The following CCDC77 variants were observed in gnomAD, a reference collection of about 807,000 sequenced individuals.
The protein encoded by CCDC77 is coiled-coil domain containing 77.
Under a neutral mutation model 66.8 loss-of-function variants are expected in CCDC77, and 56 were observed. The ratio of observed to expected loss-of-function variants is 0.84; its 90% CI spans 0.68 to 1.05. The LOEUF (loss-of-function observed/expected upper bound fraction) is 1.05, where lower values mean the gene tolerates loss of function less well. Ranked by LOEUF, CCDC77 falls within the 50% of genes least tolerant of loss-of-function variation. CCDC77 has a pLI of 0.00. For synonymous variants in CCDC77, 196 were observed against 195.2 expected (o/e 1.00, Z -0.03); for missense variants, 570 against 576.8 (o/e 0.99, Z 0.12).
rs953794793 is a variant in CCDC77, at chr12:404,182, G to A, written c.-70-1329G>A. ...AAATACAAAAAAAATTAGCCACAGT[G>A]GCAGGTGCCTGTAATCCCAGCCACT... On this transcript the variant is annotated intron_variant, in intron 1 of 12. Coordinates refer to ENST00000239830, the MANE Select transcript of CCDC77 (RefSeq NM_032358.4). 2.0e-5 allele frequency among the ~76,000 whole-genome samples: 3 copies of A among 152,326 alleles called. No homozygotes were observed. In the South Asian group the frequency reaches 6.2e-4, roughly 32 times the overall value.
chr12:392,197 A>G (rs2137517319), intron 1 of CCDC77, among the ~76,000 whole-genome samples: 1 of 152,286 alleles, frequency 6.6e-6, no homozygotes, highest in East Asian at 1.9e-4. Flanking sequence ...AGTATTATTT[A>G]TCTGAAATTT....
At chr12:418,681 A>ACATC in intron 5 of CCDC77, 45 bp downstream of exon 5, 21 of 1,544,240 alleles carry the variant, frequency 1.4e-5, no homozygotes, top group Non-Finnish European at 1.9e-5. Flanking sequence ...ACTTTAAATT[A>ACATC]CATTCATTCA....
intron 1 of CCDC77, among the ~76,000 whole-genome samples, chr12:405,059 ATTTAAC>A (rs1314110007): frequency 6.6e-6 from 1 of 152,198 alleles, no homozygotes; most frequent in African/African-American, 2.4e-5. Flanking sequence ...AAACAGTGAA[ATTTAAC>A]TTTAAGTTGT....
At chr12:419,577 CTG>C (rs1327930812) in intron 5 of CCDC77, among the ~76,000 whole-genome samples, 1 of 90,786 alleles carries the variant, frequency 1.1e-5, no homozygotes, top group Non-Finnish European at 2.4e-5. Flanking sequence ...CAGTGCTCTT[CTG>C]TGTGTGTGTG....
upstream of CCDC77, among the ~76,000 whole-genome samples, chr12:399,090 G>A (rs1944864595): frequency 6.6e-6 from 1 of 152,086 alleles, no homozygotes; most frequent in African/African-American, 2.4e-5. Context: ...GAATGGTGGT[G>A]AGTCCTTTCC....
At chr12:392,265 C>T (rs979305129) in intron 1 of CCDC77, among the ~76,000 whole-genome samples, 2 of 152,080 alleles carry the variant, frequency 1.3e-5, no homozygotes, top group African/African-American at 4.8e-5. Flanking sequence ...AATCATTTGG[C>T]TAGACCGTGG....
intron 5 of CCDC77, among the ~76,000 whole-genome samples, chr12:423,494 G>GTTTGTTTTTT (rs1945469706): frequency 5.6e-5 from 2 of 35,414 alleles, no homozygotes; most frequent in African/African-American, 2.4e-4. Context: ...TTTTTGTTTT[G>GTTTGTTTTTT]TTTTTTTTTT....
Position 440,950 on chromosome 12 carries a change from A to C in CCDC77, c.1274A>C (p.Lys425Thr). 6.2e-7 allele frequency: 1 copy of C among 1,613,286 alleles called. No homozygotes were observed. Among genetic ancestry groups the C allele is most frequent in the South Asian group, 1.1e-5 (1 of 91,086 alleles). Residue 425 changes from lysine (K) to threonine (T), a missense_variant, in exon 12 of 13, where the codon AAA (lysine) becomes ACA (threonine). Physicochemically the swap from Lys to Thr is moderately conservative, Grantham distance 78. Coordinates refer to ENST00000239830, the MANE Select transcript of CCDC77 (RefSeq NM_032358.4). The stretch of plus-strand genomic sequence containing the variant: ...GTAGAAGGCTTTAAGACAGATATTA[A>C]AGTTCTCCGACAGAAACTGAAAGAC... ...LEVEGFKTDI[K>T]VLRQKLKDLE... is the part of the protein sequence containing the mutation.
chr12:406,608 A>G (rs371437105), intron 2 of CCDC77, among the ~76,000 whole-genome samples: 20 of 152,302 alleles, frequency 1.3e-4, no homozygotes, highest in African/African-American at 4.1e-4. Flanking sequence ...TTTGACACAT[A>G]TATATTAATG....
chr12:411,826 A>G lies in CCDC77; in HGVS notation c.118A>G (p.Thr40Ala), dbSNP rs141015442. 3.3e-5 allele frequency: 54 copies of G among 1,613,794 alleles called. No individual in the cohort carries two copies. Among genetic ancestry groups the G allele is most frequent in the Non-Finnish European group, 4.4e-5 (52 of 1,179,978 alleles). ...GGGAATGGCAGATTCACTGGAGTCA[A>G]CCCCCTTGCCTTCCCCCGAAGATCG... ...RRGMADSLES[T>A]PLPSPEDRLA... The change falls in exon 4 of 13, where the codon ACC (threonine) becomes GCC (alanine). Residue 40 changes from threonine (T) to alanine (A), a missense_variant. Coordinates refer to ENST00000239830, the MANE Select transcript of CCDC77 (RefSeq NM_032358.4).
Position 418,433 on chromosome 12 carries a change from G to A in CCDC77, c.271-61G>A, listed in dbSNP as rs1591976849. The A allele has an allele frequency of 3.3e-6, 5 of 1,532,516 alleles. No homozygotes were observed. The South Asian group carries it at 4.5e-5, about 14-fold the overall frequency. The allele number at this position is 1,532,516 out of a possible 1,614,324, so 94.9% of individuals were successfully genotyped here. A position where few individuals can be genotyped will look rare whatever the true frequency, so the allele number is the denominator to read the frequency against. Reference sequence around the variant, plus strand: ...ACATGAGTAGACTCCTCCCTATCCAGTGAGAGATACTCCATTGAAACCCAG... The same window carrying A: ...ACATGAGTAGACTCCTCCCTATCCAATGAGAGATACTCCATTGAAACCCAG... On this transcript the variant is annotated intron_variant, in intron 4 of 12. Transcript: ENST00000239830.
At chr12:406,267 A>G (rs1204265880) in intron 2 of CCDC77, among the ~76,000 whole-genome samples, 1 of 152,162 alleles carries the variant, frequency 6.6e-6, no homozygotes, top group African/African-American at 2.4e-5. Flanking sequence ...AGGTTGGTAG[A>G]GTGGTCAGGG....
At chr12:389,383 G>C in exon 1 of CCDC77, 1 of 571,358 alleles carries the variant, frequency 1.8e-6, no homozygotes, top group Non-Finnish European at 3.2e-6. Flanking sequence ...CTGTGTGTCT[G>C]GCCTTTCCTT....
intron 5 of CCDC77, chr12:418,910 G>A (rs137918762): frequency 5.9e-6 from 2 of 337,438 alleles, no homozygotes; most frequent in South Asian, 3.8e-5. Flanking sequence ...TGTCAGCCAC[G>A]CTGGTCTCGA....
chr12:392,144 TAAAC>T (rs774735254), intron 1 of CCDC77, among the ~76,000 whole-genome samples: 14 of 152,244 alleles, frequency 9.2e-5, no homozygotes, highest in African/African-American at 1.4e-4. Context: ...TTGCATTACT[TAAAC>T]AATCCTTGAC....
exon 1 of CCDC77, chr12:389,388 T>C: frequency 1.8e-6 from 1 of 556,278 alleles, no homozygotes; most frequent in South Asian, 2.0e-5. Context: ...TGTCTGGCCT[T>C]TCCTTCTTCT....
In CCDC77 at chr12:441,726, G is replaced by A. The variant is rs373441614; in HGVS notation, c.1321-48G>A. ...CTTTTTGACTGATATCGCTCCCCTG[G>A]CATATGCCATCATCATTTCTTTTTT... On this transcript the variant is annotated intron_variant, in intron 12 of 12. Transcript: ENST00000239830. 3.6e-5 allele frequency: 57 copies of A among 1,580,828 alleles called. No homozygotes were observed. The African/African-American group carries it at 5.7e-4, about 16-fold the overall frequency.
chr12:409,397 C>T lies in CCDC77; in HGVS notation c.14C>T (p.Pro5Leu), dbSNP rs1261914931. MNFT[P>L]THTPVCRKRT... ...GAAAAAGACAGCATGAACTTTACCC[C>T]AACACACACCCCTGTCTGCAGAAAG... The change falls in exon 3 of 13, where the codon CCA becomes CTA. Residue 5 changes from proline to leucine, a missense_variant. Transcript: ENST00000239830. 1.9e-6 allele frequency: 3 copies of T among 1,613,170 alleles called. No individual in the cohort carries two copies. The highest frequency in any genetic ancestry group is 1.3e-5 in the African/African-American group (1 of 74,416).
At chr12:407,249 A>G (rs1214864594) in intron 2 of CCDC77, among the ~76,000 whole-genome samples, 1 of 152,210 alleles carries the variant, frequency 6.6e-6, no homozygotes, top group East Asian at 1.9e-4. Context: ...AGGATTTGCT[A>G]ATGGGTCGTG....
Sources: gnomAD v4.1 joint callset for allele counts (sites outside exome capture counted in the v4.1 genomes callset) on GRCh38, gnomAD v4.1.1 for gene constraint, MANE v1.5 for transcripts, NCBI Gene and HGNC (gene_info 2026-07-23, HGNC 2026-07-21) for gene names.